Variants in ERVW-1 observed in about 807,000 individuals in gnomAD.
The protein encoded by ERVW-1 is syncytin-1.
ERVW-1 carries 21 observed loss-of-function variants against 16.6 expected under a neutral mutation model. That is an observed-to-expected ratio of 1.26 (90% CI 0.90 to 1.82). ERVW-1 has a LOEUF of 1.82. ERVW-1 is among the 40% of genes most tolerant of loss of function. The pLI is 0.00. For synonymous variants in ERVW-1, 161 were observed against 109.8 expected (o/e 1.47, Z -2.92); for missense variants, 412 against 300.2 (o/e 1.37, Z -2.75).
intron 1 of ERVW-1, among the ~76,000 whole-genome samples, chr7:92,475,717 C>G (rs545551684): frequency 6.6e-6 from 1 of 152,166 alleles, no homozygotes; most frequent in Non-Finnish European, 1.5e-5. Flanking sequence ...TCTAGTGGTC[C>G]TTTACCAGCA....
Position 92,468,952 on chromosome 7 carries a change from G to T in ERVW-1, c.1430C>A (p.Ser477Tyr). 1.3e-6 allele frequency: 1 copy of T among 763,932 alleles called. No homozygotes were observed. Among genetic ancestry groups the T allele is most frequent in the Non-Finnish European group, 2.4e-6 (1 of 417,852 alleles). The allele number at this position is 763,932 out of a possible 1,614,324, so 47.3% of individuals were successfully genotyped here. The change falls in exon 2 of 2, where the codon TCT becomes TAT. Residue 477 changes from serine (S) to tyrosine (Y), a missense_variant. Ser to Tyr is a moderately radical substitution (Grantham distance 144). Coordinates refer to ENST00000603053, the MANE Select transcript of ERVW-1 (RefSeq NM_001130925.2). ...TAGTTTTACAGCTTCGATTCTGGAA[G>T]AGACAAAGTTAACAAGGAGGTTAAA... ...CIFNLLVNFV[S>Y]SRIEAVKLQM... is the part of the protein sequence containing the mutation.
In ERVW-1 at chr7:92,469,652, T is replaced by C; in HGVS notation, c.730A>G (p.Thr244Ala). ...NLTCVKFSNT[T>A]YTTNSQCIRW... ...ATGCATTGGGAGTTGGTTGTGTATG[T>C]AGTATTGCTAAATTTTACACAGGTG... The change falls in exon 2 of 2, where the codon ACA becomes GCA. Residue 244 changes from threonine (T) to alanine (A), a missense_variant. Physicochemically the swap from Thr to Ala is moderately conservative, Grantham distance 58 (BLOSUM62 0). Coordinates refer to ENST00000603053, the MANE Select transcript of ERVW-1 (RefSeq NM_001130925.2). 1 of 764,524 alleles carries C rather than the reference T, an allele frequency of 1.3e-6. No homozygotes were observed. Among genetic ancestry groups the C allele is most frequent in the Non-Finnish European group, 2.4e-6 (1 of 417,886 alleles). 47.4% of individuals were successfully genotyped at this position (764,524 alleles called of 1,614,324 possible). A position where few individuals can be genotyped will look rare whatever the true frequency, so the allele number is the denominator to read the frequency against.
At chr7:92,476,776 G>A (rs1790563736) in intron 1 of ERVW-1, among the ~76,000 whole-genome samples, 1 of 151,980 alleles carries the variant, frequency 6.6e-6, no homozygotes, top group South Asian at 2.1e-4. Flanking sequence ...CTACATAACT[G>A]CCCATGTCAA....
Position 92,470,063 on chromosome 7 carries a change from T to C in ERVW-1, c.319A>G (p.Thr107Ala). The change falls in exon 2 of 2, where the codon ACT (threonine) becomes GCT (alanine). Residue 107 changes from threonine to alanine, a missense_variant. Coordinates refer to ENST00000603053, the MANE Select transcript of ERVW-1 (RefSeq NM_001130925.2). ...PGGLGVTVCWTYFTQTGMSDG... is the reference protein window; with the variant it reads ...PGGLGVTVCWAYFTQTGMSDG... ...GACATACCAGTTTGGGTGAAGTAAG[T>C]CCAACAGACAGTGACTCCAAGTCCT... is the stretch of plus-strand genomic sequence containing the variant. The C allele has an allele frequency of 1.3e-6, 1 of 778,776 alleles. No individual in the cohort carries two copies. The highest frequency in any genetic ancestry group is 2.4e-6 in the Non-Finnish European group (1 of 417,942). 48.2% of individuals were successfully genotyped at this position (778,776 alleles called of 1,614,324 possible).
intron 1 of ERVW-1, chr7:92,472,405 C>T (rs1188508908): frequency 1.3e-5 from 2 of 152,216 alleles, no homozygotes; most frequent in African/African-American, 2.4e-5. Flanking sequence ...TGAGGTCAAC[C>T]CTTTGCCACT....
At chr7:92,474,768 G>C (rs1250381850) in intron 1 of ERVW-1, 1 of 152,160 alleles carries the variant, frequency 6.6e-6, no homozygotes, top group African/African-American at 2.4e-5. Context: ...CATCAATATA[G>C]CCATCAGGGT....
intron 1 of ERVW-1, chr7:92,474,634 A>T (rs1790468367): frequency 6.6e-6 from 1 of 152,158 alleles, no homozygotes; most frequent in Admixed American, 6.5e-5. Context: ...GAGATACCAG[A>T]GATCGCCAAA....
rs1335731819 is a variant in ERVW-1 at position 92,469,380 on chromosome 7, A to G, written c.1002T>C (p.Gly334=). The G allele has an allele frequency of 9.1e-6, 7 of 769,578 alleles. No individual in the cohort carries two copies. The highest frequency in any genetic ancestry group is 1.4e-5 in the Non-Finnish European group (6 of 417,730). 47.7% of individuals were successfully genotyped at this position (769,578 alleles called of 1,614,324 possible). A position where few individuals can be genotyped will look rare whatever the true frequency, so the allele number is the denominator to read the frequency against. The stretch of plus-strand genomic sequence containing the variant: ...AGGTTGTGATACCGCCAATGCCAGT[A>G]CCTAGTGCACCTAGCACTCCTGCTC... ...VIGAGVLGAL[G]TGIGGITTST... The change falls in exon 2 of 2, where the codon GGT becomes GGC. Residue 334 remains glycine (G), a synonymous_variant. Coordinates refer to ENST00000603053, the MANE Select transcript of ERVW-1 (RefSeq NM_001130925.2).
In ERVW-1 at chr7:92,469,026, T is replaced by C. The variant is rs1790203123; in HGVS notation, c.1356A>G (p.Leu452=). ...SQWMPWILPF[L]GPLAAIILLL... is the part of the protein sequence containing the mutation. ...GCAATATTATAGCTGCTAGAGGTCC[T>C]AAGAAGGGGAGAATCCAGGGCATCC... The change falls in exon 2 of 2, where the codon TTA becomes TTG. Residue 452 remains leucine, a synonymous_variant. Transcript: ENST00000603053. 1 of 722,508 alleles carries C rather than the reference T, an allele frequency of 1.4e-6. No individual in the cohort carries two copies. The highest frequency in any genetic ancestry group is 1.4e-5 in the South Asian group (1 of 70,142). The allele number at this position is 722,508 out of a possible 1,614,324, so 44.8% of individuals were successfully genotyped here.
chr7:92,473,469 G>C (rs1270830098), intron 1 of ERVW-1, among the ~76,000 whole-genome samples: 2 of 151,920 alleles, frequency 1.3e-5, no homozygotes, highest in African/African-American at 4.8e-5. Context: ...GGCATTCTTT[G>C]CTCGTCCATA....
intron 1 of ERVW-1, among the ~76,000 whole-genome samples, chr7:92,476,063 A>G (rs1053622625): frequency 6.6e-6 from 1 of 152,176 alleles, no homozygotes; most frequent in Admixed American, 6.5e-5. Flanking sequence ...GGAACCATCT[A>G]TCGTCCTGTC....
Position 92,469,048 on chromosome 7 carries a change from A to G in ERVW-1, c.1334T>C (p.Met445Thr). The change falls in exon 2 of 2, where the codon ATG becomes ACG. Residue 445 changes from methionine (M) to threonine (T), a missense_variant. By Grantham distance (81) the Met-to-Thr change is moderately conservative. Transcript: ENST00000603053. ...TGPWGLLSQW[M>T]PWILPFLGPL... ...TCCTAAGAAGGGGAGAATCCAGGGC[A>G]TCCATTGGCTGAGGAGGCCCCAGGG... is the stretch of plus-strand genomic sequence containing the variant. The G allele has an allele frequency of 2.8e-6, 2 of 709,330 alleles. No individual in the cohort carries two copies. The highest frequency in any genetic ancestry group is 5.1e-6 in the Non-Finnish European group (2 of 389,234). The allele number at this position is 709,330 out of a possible 1,614,324, so 43.9% of individuals were successfully genotyped here.
intron 1 of ERVW-1, among the ~76,000 whole-genome samples, chr7:92,476,066 G>C (rs947895562): frequency 1.3e-5 from 2 of 152,068 alleles, no homozygotes; most frequent in Non-Finnish European, 2.9e-5. Context: ...ACCATCTATC[G>C]TCCTGTCCTG....
rs1380842884 is a variant in ERVW-1 at position 92,469,480 on chromosome 7, G to A, written c.902C>T (p.Thr301Ile). The A allele has an allele frequency of 1.3e-6, 1 of 768,766 alleles. No homozygotes were observed. The highest frequency in any genetic ancestry group is 2.4e-6 in the Non-Finnish European group (1 of 414,594). 47.6% of individuals were successfully genotyped at this position (768,766 alleles called of 1,614,324 possible). Residue 301 changes from threonine (T) to isoleucine (I), a missense_variant, in exon 2 of 2, where the codon ACT (threonine) becomes ATT (isoleucine). Physicochemically the swap from Thr to Ile is moderately conservative, Grantham distance 89 (BLOSUM62 -1). Coordinates refer to ENST00000603053, the MANE Select transcript of ERVW-1 (RefSeq NM_001130925.2). ...GACATAACTGTATAAATCTTGTTCA[G>A]TGTAGATGGTCATAGGGGGCACTAA... ...SFLVPPMTIY[T>I]EQDLYSYVIS...
chr7:92,474,500 G>A (rs1002629588), intron 1 of ERVW-1: 1 of 152,206 alleles, frequency 6.6e-6, no homozygotes, highest in East Asian at 1.9e-4. Flanking sequence ...GTTAGCAAAT[G>A]TCTGCAGCAC....
intron 1 of ERVW-1, among the ~76,000 whole-genome samples, chr7:92,474,214 G>T (rs573601391): frequency 6.6e-6 from 1 of 152,180 alleles, no homozygotes; most frequent in South Asian, 2.1e-4. Flanking sequence ...AACCGAGGTT[G>T]CCAAGTTCAA....
intron 1 of ERVW-1, among the ~76,000 whole-genome samples, chr7:92,473,996 C>T (rs1585192740): frequency 6.6e-6 from 1 of 152,044 alleles, no homozygotes; most frequent in African/African-American, 2.4e-5. Flanking sequence ...GACGAGGGGG[C>T]GGCTTACTTC....
At chr7:92,472,008 C>T (rs928604450) in intron 1 of ERVW-1, 28 of 152,306 alleles carry the variant, frequency 1.8e-4, no homozygotes, top group African/African-American at 6.3e-4. Flanking sequence ...CACTGCATAC[C>T]CCACTTTTCG....
intron 1 of ERVW-1, chr7:92,471,435 G>A (rs1385247313): frequency 6.6e-6 from 1 of 152,232 alleles, no homozygotes; most frequent in Non-Finnish European, 1.5e-5. Flanking sequence ...GTTTGATGAA[G>A]GGTTTTAAGT....
Sources: gnomAD v4.1 joint callset for allele counts (sites outside exome capture counted in the v4.1 genomes callset) on GRCh38, gnomAD v4.1.1 for gene constraint, MANE v1.5 for transcripts, NCBI Gene and HGNC (gene_info 2026-07-23, HGNC 2026-07-21) for gene names.